Variants in PDZD2 observed in about 807,000 individuals in gnomAD.
PDZD2 encodes the protein PDZ domain containing 2.
PDZD2 carries 90 observed loss-of-function variants against 220.7 expected under a neutral mutation model. The ratio of observed to expected loss-of-function variants is 0.41; its 90% CI spans 0.34 to 0.49. The LOEUF (loss-of-function observed/expected upper bound fraction) is 0.49, where lower values mean the gene tolerates loss of function less well. PDZD2 is among the 20% of genes least tolerant of loss of function. The pLI, the probability that PDZD2 is intolerant of heterozygous loss-of-function variation, is 0.28. For synonymous variants in PDZD2, 1,375 were observed against 1,450.5 expected, an observed-to-expected ratio of 0.95 and a Z score of 1.18; for missense variants, 3,174 against 3,608.5, an observed-to-expected ratio of 0.88 and a Z score of 3.08.
intron 1 of PDZD2, among the ~76,000 whole-genome samples, chr5:31,736,515 G>C (rs1315732147): frequency 1.3e-5 from 2 of 152,170 alleles, no homozygotes; most frequent in African/African-American, 4.8e-5. Context: ...AAATCTACAG[G>C]AATAAATATT....
chr5:31,703,987 T>C (rs549466765), intron 1 of PDZD2, among the ~76,000 whole-genome samples: 1 of 150,936 alleles, frequency 6.6e-6, no homozygotes, highest in Admixed American at 6.6e-5. Context: ...TTCTTTCCTT[T>C]CTTTCCTTCC....
intron 1 of PDZD2, among the ~76,000 whole-genome samples, chr5:31,651,994 A>ATTG (rs1745369436): frequency 7.7e-6 from 1 of 130,326 alleles, no homozygotes; most frequent in African/African-American, 2.9e-5. Context: ...TAATTTTTGT[A>ATTG]TTTTTTTTTT....
At chr5:31,650,896 A>G (rs1047595751) in intron 1 of PDZD2, among the ~76,000 whole-genome samples, 2 of 152,136 alleles carry the variant, frequency 1.3e-5, no homozygotes, top group Non-Finnish European at 2.9e-5. Context: ...CCATTTTCAG[A>G]TTGGCTATTA....
chr5:31,726,433 G>T (rs1749143488), intron 1 of PDZD2, among the ~76,000 whole-genome samples: 1 of 152,220 alleles, frequency 6.6e-6, no homozygotes, highest in Non-Finnish European at 1.5e-5. Context: ...GGAGGCTGAG[G>T]CAGGAGAATC....
At chr5:31,849,450 A>G (rs910797734) in intron 2 of PDZD2, among the ~76,000 whole-genome samples, 17 of 152,308 alleles carry the variant, frequency 1.1e-4, no homozygotes, top group African/African-American at 4.1e-4. Flanking sequence ...TAAGAGCTTA[A>G]TAAGTCATAG....
intron 1 of PDZD2, among the ~76,000 whole-genome samples, chr5:31,686,064 C>A (rs1407144719): frequency 6.7e-6 from 1 of 150,092 alleles, no homozygotes; most frequent in African/African-American, 2.5e-5. Flanking sequence ...CAGGTATGGT[C>A]CCAGCTACCC....
chr5:31,920,506 TA>T (rs869254209), intron 2 of PDZD2, among the ~76,000 whole-genome samples: 62 of 39,902 alleles, frequency 1.6e-3, no homozygotes, highest in Admixed American at 3.3e-3. Flanking sequence ...GTTATATATT[TA>T]AAAAAAAAAA....
chr5:32,002,216 T>C (rs915287134), intron 5 of PDZD2, among the ~76,000 whole-genome samples: 5 of 152,140 alleles, frequency 3.3e-5, no homozygotes, highest in African/African-American at 1.2e-4. Context: ...AAAGAGAATC[T>C]ATCTACAGAG....
intron 1 of PDZD2, among the ~76,000 whole-genome samples, chr5:31,776,563 G>A (rs1426711496): frequency 3.3e-5 from 5 of 149,512 alleles, no homozygotes; most frequent in African/African-American, 4.9e-5. Context: ...TGATCTGCCT[G>A]CTTCATCCTC....
Position 32,090,287 on chromosome 5 carries a change from T to TA in PDZD2, c.6842dup (p.Pro2282AlafsTer14). ...GCTAATGGACAGGGCATATATAGTGTAAAGCCGCTGCTGGACACATCGAGG... is the reference window on the plus strand; with the variant it reads ...GCTAATGGACAGGGCATATATAGTGTAAAAGCCGCTGCTGGACACATCGAGG... On this transcript the variant is annotated frameshift_variant, in exon 20 of 25. Transcript: ENST00000438447. LOFTEE classifies it high-confidence loss of function. The surrounding 1 kb of genome is among the most constrained non-coding windows in gnomAD (Gnocchi z 4.3). 1.2e-6 allele frequency: 2 copies of TA among 1,614,148 alleles called. No homozygotes were observed. Among genetic ancestry groups the TA allele is most frequent in the Non-Finnish European group, 1.7e-6 (2 of 1,180,022 alleles).
At chr5:31,923,898 T>TTCTA (rs1744511513) in intron 2 of PDZD2, among the ~76,000 whole-genome samples, 1 of 152,074 alleles carries the variant, frequency 6.6e-6, no homozygotes, top group Non-Finnish European at 1.5e-5. Flanking sequence ...CCCTGTCAAA[T>TTCTA]GAGAAGAACA....
At chr5:31,939,722 T>C (rs1746055118) in intron 2 of PDZD2, among the ~76,000 whole-genome samples, 1 of 152,216 alleles carries the variant, frequency 6.6e-6, no homozygotes, top group South Asian at 2.1e-4. Context: ...CCAACTCATC[T>C]ATACAATGTT....
chr5:32,002,097 G>A lies in PDZD2; in HGVS notation c.1254+1826G>A, dbSNP rs569750450. On this transcript the variant is annotated intron_variant, in intron 5 of 24. Coordinates refer to ENST00000438447, the MANE Select transcript of PDZD2 (RefSeq NM_178140.4). ...ATTGCAAGATCGATTGCTGATTTTC[G>A]GAGTATTGAACAAATAGATTAGAAG... 1.9e-4 allele frequency among the ~76,000 whole-genome samples: 29 copies of A among 152,208 alleles called. No individual in the cohort carries two copies. In the South Asian group the frequency reaches 5.4e-3, roughly 28 times the overall value.
At chr5:31,649,133 C>T (rs1745243112) in intron 1 of PDZD2, among the ~76,000 whole-genome samples, 1 of 152,042 alleles carries the variant, frequency 6.6e-6, no homozygotes, top group African/African-American at 2.4e-5. Flanking sequence ...CCGCTTTGGC[C>T]TCCCAGAGTT....
chr5:31,642,033 A>G (rs1744967578), intron 1 of PDZD2, among the ~76,000 whole-genome samples: 1 of 152,118 alleles, frequency 6.6e-6, no homozygotes, highest in Admixed American at 6.5e-5. Flanking sequence ...TGAGCTGAAC[A>G]AGATAACACA....
chr5:31,667,843 C>CT lies in PDZD2; in HGVS notation c.-361+28416dup, dbSNP rs374046230. On this transcript the variant is annotated intron_variant, in intron 1 of 24. Coordinates refer to ENST00000438447, the MANE Select transcript of PDZD2 (RefSeq NM_178140.4). The stretch of plus-strand genomic sequence containing the variant: ...GGGAAGTCTGCAGAGAACAAACTGC[C>CT]TTTTTTTTTTCCTTTTTTTTTTTTT... Among the ~76,000 whole-genome samples, 544 of 135,980 alleles carry CT rather than the reference C, an allele frequency of 4.0e-3. 2 individuals are homozygous for CT. The highest frequency in any genetic ancestry group is 0.012 in the African/African-American group (428 of 35,956). 89.2% of individuals were successfully genotyped at this position (135,980 alleles called of 152,430 possible).
intron 2 of PDZD2, among the ~76,000 whole-genome samples, chr5:31,889,308 A>AG: frequency 6.6e-6 from 1 of 152,238 alleles, no homozygotes; most frequent in South Asian, 2.1e-4. Flanking sequence ...AACAGATTGG[A>AG]GGGGAGGAGC....
Position 32,077,590 on chromosome 5 carries a change from G to A in PDZD2, c.3666G>A (p.Gly1222=). The A allele has an allele frequency of 1.2e-6, 2 of 1,614,132 alleles. No individual in the cohort carries two copies. The highest frequency in any genetic ancestry group is 1.7e-6 in the Non-Finnish European group (2 of 1,180,016). Residue 1222 remains glycine, a synonymous_variant, in exon 19 of 25, where the codon GGG becomes GGA. Coordinates refer to ENST00000438447, the MANE Select transcript of PDZD2 (RefSeq NM_178140.4). ...ENLPKAASEL[G]QQPMTELDSS... ...TGCCCAAAGCTGCATCAGAGCTGGG[G>A]CAACAACCCATGACTGGTAAGATTA...
At chr5:31,778,352 C>G (rs945650919) in intron 1 of PDZD2, among the ~76,000 whole-genome samples, 1 of 152,182 alleles carries the variant, frequency 6.6e-6, no homozygotes, top group Non-Finnish European at 1.5e-5. Flanking sequence ...AAGCTTTGTT[C>G]TTTCGCTCTT....
Sources: gnomAD v4.1 joint callset for allele counts (sites outside exome capture counted in the v4.1 genomes callset) on GRCh38, gnomAD v4.1.1 for gene constraint, Gnocchi (gnomAD v3.1) non-coding constraint, MANE v1.5 for transcripts, NCBI Gene and HGNC (gene_info 2026-07-23, HGNC 2026-07-21) for gene names.